The following BRD8 variants were observed in gnomAD, a reference collection of about 807,000 sequenced individuals.
BRD8 encodes the protein bromodomain-containing protein 8.
BRD8 carries 67 observed loss-of-function variants against 143.1 expected under a neutral mutation model. That is an observed-to-expected ratio of 0.47 (90% CI 0.38 to 0.57). The LOEUF (loss-of-function observed/expected upper bound fraction) is 0.57. BRD8 is among the 20% of genes least tolerant of loss of function. The probability of loss-of-function intolerance (pLI) is 0.00; values close to 1 mark genes in which losing one functional copy is unlikely to be tolerated. For synonymous variants in BRD8, 505 were observed against 517.1 expected (o/e 0.98, Z 0.32); for missense variants, 1,103 against 1,503.0 (o/e 0.73, Z 4.40).
intron 23 of BRD8, 45 bp downstream of exon 23, chr5:138,149,595 C>A (rs770216399): frequency 8.1e-6 from 12 of 1,476,468 alleles, no homozygotes; most frequent in South Asian, 3.0e-5. Context: ...TAGGCATAAA[C>A]AGAAGTACGA....
rs771299574 is a variant in BRD8 at position 138,140,122 on chromosome 5, C to A, written c.3660G>T (p.Leu1220=). 5.0e-6 allele frequency: 8 copies of A among 1,613,902 alleles called. No individual in the cohort carries two copies. In the African/African-American group the frequency reaches 9.3e-5, roughly 19 times the overall value. Residue 1220 remains leucine, a synonymous_variant, in exon 27 of 27, where the codon CTG becomes CTT. Transcript: ENST00000254900. ...WLDKRKGSSS[L]EGEPANPVDD... ...CCACTGGGTTAGCTGGTTCTCCTTC[C>A]AGACTACTTGAGCCTTTTCTTTTGT...
intron 17 of BRD8, 40 bp from the exon 18 acceptor site, chr5:138,161,108 A>T (rs1752965595): frequency 1.3e-6 from 2 of 1,521,472 alleles, no homozygotes; most frequent in Non-Finnish European, 1.8e-6. Context: ...GTGGGGATGG[A>T]AAGAGGACGC....
At chr5:138,151,248 G>A (rs567872332) in intron 21 of BRD8, among the ~76,000 whole-genome samples, 7 of 152,310 alleles carry the variant, frequency 4.6e-5, no homozygotes, top group Non-Finnish European at 8.8e-5. Flanking sequence ...AGGAGTTTAT[G>A]TTCTACTTTT....
At position 138,163,289 on chromosome 5, in the gene BRD8, T is replaced by C; in HGVS notation, c.1928A>G (p.Glu643Gly). ...TCCTTGATCCTCTTCCTTAGGCTCC[T>C]CTAGGCTGGCCGCTTCACTGACACC... Reference protein sequence around the residue: ...EDGVSEAASLEEPKEEDQGEG... With the variant: ...EDGVSEAASLGEPKEEDQGEG... The change falls in exon 15 of 27, where the codon GAG (glutamate) becomes GGG (glycine). Residue 643 changes from glutamate to glycine, a missense_variant. Around this residue, in one of 7 missense-constraint regions of BRD8, gnomAD observed 75 missense variants for 111.7 expected, o/e 0.67. Coordinates refer to ENST00000254900, the MANE Select transcript of BRD8 (RefSeq NM_139199.2). 1 of 1,614,166 alleles carries C rather than the reference T, an allele frequency of 6.2e-7. No individual in the cohort carries two copies. The highest frequency in any genetic ancestry group is 2.2e-5 in the East Asian group (1 of 44,884).
intron 20 of BRD8, among the ~76,000 whole-genome samples, chr5:138,154,828 A>C (rs2151188513): frequency 6.6e-6 from 1 of 151,056 alleles, no homozygotes; most frequent in East Asian, 2.0e-4. Context: ...AAAAGTTCAT[A>C]ACTTTTTTTT....
At chr5:138,156,805 C>T in intron 20 of BRD8, 1 of 964,060 alleles carries the variant, frequency 1.0e-6, no homozygotes, top group Non-Finnish European at 1.2e-6. Context: ...AATAGTTATG[C>T]AGAAGAAACA....
intron 25 of BRD8, among the ~76,000 whole-genome samples, chr5:138,144,935 A>G (rs1395553654): frequency 1.3e-5 from 2 of 148,724 alleles, no homozygotes; most frequent in Admixed American, 1.3e-4. Flanking sequence ...ATATATATAG[A>G]ATGGATCATA....
At chr5:138,146,692 G>A (rs943540303) in intron 23 of BRD8, among the ~76,000 whole-genome samples, 12 of 152,114 alleles carry the variant, frequency 7.9e-5, no homozygotes, top group Non-Finnish European at 7.4e-5. Flanking sequence ...GATTGGGCCC[G>A]GTGTGGTGGC....
intron 8 of BRD8, chr5:138,168,660 G>A (rs781000162): frequency 6.2e-7 from 1 of 1,600,640 alleles, no homozygotes; most frequent in African/African-American, 1.4e-5. Context: ...CGAGGTGACT[G>A]GGGTACTCGG....
At position 138,170,749 on chromosome 5, in the gene BRD8, A is replaced by G. The variant is rs76231775; in HGVS notation, c.440+83T>C. The G allele has an allele frequency of 8.2e-3, 10,555 of 1,279,722 alleles. 238 individuals are homozygous for G. The highest frequency in any genetic ancestry group is 0.076 in the African/African-American group (5,212 of 68,154). 79.3% of individuals were successfully genotyped at this position (1,279,722 alleles called of 1,614,324 possible). On this transcript the variant is annotated intron_variant, in intron 6 of 26. Transcript: ENST00000254900. ...CTGTCTCAAGTCTAAAGGGACGGCA[A>G]TTGGAGGAAATAAGCCAGATTACTT...
chr5:138,165,929 C>T lies in BRD8; in HGVS notation c.1177G>A (p.Glu393Lys), dbSNP rs1225272672. 1.2e-6 allele frequency: 2 copies of T among 1,614,202 alleles called. No individual in the cohort carries two copies. The highest frequency in any genetic ancestry group is 2.2e-5 in the East Asian group (1 of 44,882). ...SKAPSIDGKEELDLAEKMDIA... is the reference protein window; with the variant it reads ...SKAPSIDGKEKLDLAEKMDIA... ...TCCATCTTCTCAGCCAGATCTAATT[C>T]TTCCTTCCCATCTATGCTGGGAGCC... The change falls in exon 11 of 27, where the codon GAA becomes AAA. Residue 393 changes from glutamate (E) to lysine (K), a missense_variant. Glu to Lys is a moderately conservative substitution (Grantham distance 56). This residue lies in a region of BRD8 where 334 missense variants were observed against 372.5 expected (regional missense o/e 0.90). Coordinates refer to ENST00000254900, the MANE Select transcript of BRD8 (RefSeq NM_139199.2).
In BRD8 at chr5:138,163,259, C is replaced by G. The variant is rs1309674949; in HGVS notation, c.1958G>C (p.Gly653Ala). 3 of 1,614,142 alleles carry G rather than the reference C, an allele frequency of 1.9e-6. No individual in the cohort carries two copies. Among genetic ancestry groups the G allele is most frequent in the Non-Finnish European group, 1.7e-6 (2 of 1,180,030 alleles). Residue 653 changes from glycine (G) to alanine (A), a missense_variant, in exon 15 of 27, where the codon GGC becomes GCC. This residue lies in a region of BRD8 where 75 missense variants were observed against 111.7 expected (regional missense o/e 0.67). Transcript: ENST00000254900. Reference sequence around the variant, plus strand: ...TTCATTATCCATTTCTGACAAGTAGCCTTCTCCTTGATCCTCTTCCTTAGG... The same window carrying G: ...TTCATTATCCATTTCTGACAAGTAGGCTTCTCCTTGATCCTCTTCCTTAGG... ...EEPKEEDQGE[G>A]YLSEMDNEPP...
In BRD8 at chr5:138,166,529, C is replaced by T. The variant is rs1476614401; in HGVS notation, c.986G>A (p.Ser329Asn). Reference sequence around the variant, plus strand: ...GCTCAGGGACGCACCTGGAGCTACACTTTCAGTAGTGGAGACAGCCGGAGC... The same window carrying T: ...GCTCAGGGACGCACCTGGAGCTACATTTTCAGTAGTGGAGACAGCCGGAGC... Reference protein sequence around the residue: ...SSAPAVSTTESVAPVSQPDNC... With the variant: ...SSAPAVSTTENVAPVSQPDNC... Residue 329 changes from serine to asparagine, a missense_variant, in exon 10 of 27, where the codon AGT becomes AAT. This residue lies in a region of BRD8 where 334 missense variants were observed against 372.5 expected (regional missense o/e 0.90). Transcript: ENST00000254900. The T allele has an allele frequency of 2.5e-6, 4 of 1,609,778 alleles. No individual in the cohort carries two copies. In the South Asian group the frequency reaches 3.3e-5, roughly 13 times the overall value.
At chr5:138,149,020 G>A (rs1003775715) in intron 23 of BRD8, among the ~76,000 whole-genome samples, 2 of 151,704 alleles carry the variant, frequency 1.3e-5, no homozygotes, top group Non-Finnish European at 2.9e-5. Context: ...AGTCATGATC[G>A]TGCCCATTGC....
intron 25 of BRD8, 138 bp downstream of exon 25, chr5:138,145,039 C>T: frequency 1.1e-6 from 1 of 874,704 alleles, no homozygotes; most frequent in Non-Finnish European, 1.8e-6. Context: ...CTGAGCTCAT[C>T]ATAACTTTAT....
At chr5:138,168,395 C>T (rs1287793588) in intron 8 of BRD8, 2 of 1,013,430 alleles carry the variant, frequency 2.0e-6, no homozygotes, top group African/African-American at 3.2e-5. Flanking sequence ...CCCCATGTCA[C>T]ATTTTAGGTC....
At chr5:138,159,956 T>C (rs1248968021) in intron 19 of BRD8, 113 bp downstream of exon 19, 1 of 753,286 alleles carries the variant, frequency 1.3e-6, no homozygotes, top group South Asian at 1.6e-5. Flanking sequence ...TATGTGTCTG[T>C]ATATCATTGG....
chr5:138,163,531 G>C lies in BRD8; in HGVS notation c.1873-187C>G, dbSNP rs1022306158. The C allele has an allele frequency of 2.1e-6, 3 of 1,456,592 alleles. No individual in the cohort carries two copies. In the African/African-American group the frequency reaches 4.3e-5, roughly 21 times the overall value. 90.2% of individuals were successfully genotyped at this position (1,456,592 alleles called of 1,614,324 possible). On this transcript the variant is annotated intron_variant, in intron 14 of 26. Coordinates refer to ENST00000254900, the MANE Select transcript of BRD8 (RefSeq NM_139199.2). ...ACTGCGTTAAGTAATTTAGAACCTG[G>C]ACAAAGAATAATACCCAGGATCTTT...
chr5:138,162,358 C>A (rs543408661), intron 15 of BRD8, among the ~76,000 whole-genome samples: 1 of 151,978 alleles, frequency 6.6e-6, no homozygotes, highest in African/African-American at 2.4e-5. Flanking sequence ...CCATGCCCAG[C>A]TAATTTTTTA....
Sources: allele counts gnomAD v4.1 joint callset (sites outside exome capture counted in the v4.1 genomes callset), GRCh38; gene constraint gnomAD v4.1.1; regional missense constraint gnomAD v4.1.1; transcripts MANE v1.5; gene names NCBI Gene and HGNC (gene_info 2026-07-23, HGNC 2026-07-21).